Variants in SAMMSON observed in about 807,000 individuals in gnomAD.
SAMMSON encodes the protein survival associated mitochondrial melanoma specific oncogenic non-coding RNA, also known as long intergenic non-protein coding RNA 1212.
intron 4 of SAMMSON, among the ~76,000 whole-genome samples, chr3:70,101,697 T>A (rs914893425): frequency 6.6e-6 from 1 of 152,150 alleles, no homozygotes; most frequent in African/African-American, 2.4e-5. Context: ...CTTGCAAGCA[T>A]ATTTATATCC....
At chr3:70,408,089 C>T (rs1701190579) in intron 2 of SAMMSON, among the ~76,000 whole-genome samples, 1 of 152,202 alleles carries the variant, frequency 6.6e-6, no homozygotes, top group Non-Finnish European at 1.5e-5. Context: ...CTCTTTCAAC[C>T]ACGGCTGAAG....
At chr3:70,103,645 A>G (rs2067354557) in intron 4 of SAMMSON, among the ~76,000 whole-genome samples, 1 of 152,180 alleles carries the variant, frequency 6.6e-6, no homozygotes. Context: ...CTACTGCACA[A>G]GATAGCCCAC....
At chr3:70,388,802 T>A (rs1701014264) in intron 9 of SAMMSON, among the ~76,000 whole-genome samples, 1 of 152,142 alleles carries the variant, frequency 6.6e-6, no homozygotes, top group Admixed American at 6.6e-5. Flanking sequence ...TGATTTTTGT[T>A]AATTGCAGTC....
chr3:70,140,559 C>G (rs1373557081), intron 4 of SAMMSON: 1 of 153,152 alleles, frequency 6.5e-6, no homozygotes, highest in African/African-American at 2.4e-5. Context: ...TTTGAATATG[C>G]CATTTGCTTC....
At chr3:70,319,124 A>T (rs1226375426) in intron 7 of SAMMSON, among the ~76,000 whole-genome samples, 2 of 151,888 alleles carry the variant, frequency 1.3e-5, no homozygotes, top group Non-Finnish European at 2.9e-5. Flanking sequence ...TCTGTGGTGA[A>T]CCCTGTCTCT....
At chr3:70,085,905 T>C (rs529433650) in intron 4 of SAMMSON, among the ~76,000 whole-genome samples, 4 of 152,166 alleles carry the variant, frequency 2.6e-5, no homozygotes, top group African/African-American at 7.2e-5. Context: ...AAATGAAACC[T>C]TAATCATAGC....
intron 2 of SAMMSON, among the ~76,000 whole-genome samples, chr3:70,408,996 G>A (rs944790387): frequency 3.3e-5 from 5 of 152,164 alleles, no homozygotes; most frequent in South Asian, 2.1e-4. Flanking sequence ...GTGCAAAAGC[G>A]GAAACCCCTG....
chr3:70,162,570 G>A (rs1385937140), intron 4 of SAMMSON, among the ~76,000 whole-genome samples: 1 of 151,830 alleles, frequency 6.6e-6, no homozygotes, highest in Non-Finnish European at 1.5e-5. Flanking sequence ...CTGTCCTGGA[G>A]AATGTTCCAT....
chr3:70,256,882 A>G (rs550361763), intron 6 of SAMMSON, among the ~76,000 whole-genome samples: 1 of 152,188 alleles, frequency 6.6e-6, no homozygotes, highest in African/African-American at 2.4e-5. Flanking sequence ...ACTTCTGTAG[A>G]TGGATGCTTG....
At chr3:70,216,473 C>T (rs755450646) in intron 4 of SAMMSON, among the ~76,000 whole-genome samples, 3 of 152,016 alleles carry the variant, frequency 2.0e-5, no homozygotes, top group Non-Finnish European at 2.9e-5. Context: ...ACAGAAAACG[C>T]GGGGATATCA....
intron 6 of SAMMSON, among the ~76,000 whole-genome samples, chr3:70,268,458 G>C (rs779891453): frequency 1.5e-4 from 19 of 130,250 alleles, no homozygotes; most frequent in Non-Finnish European, 2.2e-4. Flanking sequence ...CTGGGCAACA[G>C]AGCGAGACTC....
downstream of SAMMSON, chr3:70,389,969 A>G (rs75967694): frequency 1.5e-3 from 226 of 152,276 alleles, 1 homozygote; most frequent in African/African-American, 5.1e-3. Flanking sequence ...CAACAGAGCA[A>G]TGACTGAAGG....
chr3:70,012,845 G>T (rs2066963588), intron 2 of SAMMSON, among the ~76,000 whole-genome samples: 1 of 152,100 alleles, frequency 6.6e-6, no homozygotes, highest in South Asian at 2.1e-4. Flanking sequence ...TTGTCAATGG[G>T]AAGTTCTCGT....
intron 7 of SAMMSON, among the ~76,000 whole-genome samples, chr3:70,310,835 A>G (rs1381007326): frequency 1.3e-5 from 2 of 152,134 alleles, no homozygotes; most frequent in Admixed American, 1.3e-4. Context: ...TTGGAACATG[A>G]TGAGGTGGTG....
intron 4 of SAMMSON, among the ~76,000 whole-genome samples, chr3:70,235,576 C>T (rs1398344842): frequency 6.6e-6 from 1 of 152,150 alleles, no homozygotes; most frequent in Non-Finnish European, 1.5e-5. Context: ...CAGTCAGGCT[C>T]ACGGCTCTGT....
chr3:70,211,180 C>CT (rs528836973), intron 4 of SAMMSON, among the ~76,000 whole-genome samples: 2 of 151,954 alleles, frequency 1.3e-5, no homozygotes, highest in African/African-American at 4.8e-5. Context: ...CCTTTCCCTT[C>CT]TTTTTTCTTT....
intron 3 of SAMMSON, among the ~76,000 whole-genome samples, chr3:70,017,649 C>G (rs1273996010): frequency 6.6e-6 from 1 of 152,084 alleles, no homozygotes; most frequent in Non-Finnish European, 1.5e-5. Context: ...AGAGGGCATC[C>G]CTGTCTTGTG....
chr3:70,093,692 G>C (rs2067313436), intron 4 of SAMMSON, among the ~76,000 whole-genome samples: 2 of 152,152 alleles, frequency 1.3e-5, no homozygotes, highest in Non-Finnish European at 2.9e-5. Context: ...AGTCAAGATT[G>C]TGAAATTCCA....
At chr3:70,138,142 T>C (rs759926140) in intron 4 of SAMMSON, among the ~76,000 whole-genome samples, 3 of 152,206 alleles carry the variant, frequency 2.0e-5, no homozygotes, top group Non-Finnish European at 4.4e-5. Context: ...ATGCTGATTG[T>C]AGTTTGTCAC....
Sources: allele counts gnomAD v4.1 joint callset (sites outside exome capture counted in the v4.1 genomes callset), GRCh38; gene constraint gnomAD v4.1.1; transcripts MANE v1.5; gene names NCBI Gene and HGNC (gene_info 2026-07-23, HGNC 2026-07-21).